The following SLC25A43 variants were observed in gnomAD, a reference collection of about 807,000 sequenced individuals.
The protein encoded by SLC25A43 is solute carrier family 25, member 43.
In SLC25A43, 10 loss-of-function variants were observed where a neutral mutation model predicts 22.8. The observed-to-expected ratio is 0.44, with a 90% CI of 0.27 to 0.74. The LOEUF (loss-of-function observed/expected upper bound fraction) is 0.74, where lower values mean the gene tolerates loss of function less well. Ranked by LOEUF, SLC25A43 falls within the 30% of genes least tolerant of loss-of-function variation. The probability of loss-of-function intolerance (pLI) is 0.17; values close to 1 mark genes in which losing one functional copy is unlikely to be tolerated. For missense variants in SLC25A43, 233 were observed against 279.1 expected (o/e 0.83, Z 1.18); for synonymous variants, 106 against 121.6 (o/e 0.87, Z 0.84).
intron 3 of SLC25A43, among the ~76,000 whole-genome samples, chrX:119,424,212 C>CA (rs201882702): frequency 1.8e-3 from 106 of 59,108 alleles, no homozygotes; most frequent in African/African-American, 3.0e-3. Context: ...GACTCCGTCT[C>CA]AAAAAAAAAA....
intron 3 of SLC25A43, among the ~76,000 whole-genome samples, chrX:119,418,529 C>G (rs934407202): frequency 8.9e-6 from 1 of 112,194 alleles, no homozygotes; most frequent in African/African-American, 3.2e-5. Context: ...ATGCTTTTCT[C>G]TAGACACACA....
intron 3 of SLC25A43, among the ~76,000 whole-genome samples, chrX:119,442,263 G>A (rs1223055142): frequency 1.8e-5 from 2 of 111,926 alleles, no homozygotes; most frequent in Admixed American, 1.9e-4. Context: ...ACTGGATATA[G>A]ATGGACCTTG....
intron 2 of SLC25A43, 51 bp from the exon 3 acceptor site, chrX:119,410,139 G>T: frequency 8.5e-7 from 1 of 1,171,956 alleles, no homozygotes; most frequent in Non-Finnish European, 1.2e-6. Flanking sequence ...ATGTTCTCAA[G>T]CCAGTGTTTT....
intron 1 of SLC25A43, among the ~76,000 whole-genome samples, chrX:119,403,328 C>T (rs1304991388): frequency 9.2e-6 from 1 of 108,652 alleles, no homozygotes; most frequent in Non-Finnish European, 1.9e-5. Context: ...ATTGCTCTGT[C>T]GCCCAAGTTG....
intron 3 of SLC25A43, among the ~76,000 whole-genome samples, chrX:119,427,542 T>C (rs1447617950): frequency 1.8e-5 from 2 of 112,517 alleles, no homozygotes; most frequent in Non-Finnish European, 3.8e-5. Flanking sequence ...GTCCCGGCTA[T>C]GCCAAGAGAA....
chrX:119,429,501 A>G (rs931907998), intron 3 of SLC25A43, among the ~76,000 whole-genome samples: 2 of 108,077 alleles, frequency 1.9e-5, no homozygotes, highest in African/African-American at 6.8e-5. Context: ...CTTTATTTGT[A>G]TCTACTGCAA....
intron 3 of SLC25A43, among the ~76,000 whole-genome samples, chrX:119,420,688 C>T (rs994000046): frequency 2.7e-5 from 3 of 111,968 alleles, no homozygotes; most frequent in Non-Finnish European, 5.6e-5. Context: ...ACCAACTGTG[C>T]GATCCTTGTT....
intron 3 of SLC25A43, among the ~76,000 whole-genome samples, chrX:119,448,559 A>G (rs1435980655): frequency 9.0e-6 from 1 of 110,991 alleles, no homozygotes; most frequent in Non-Finnish European, 1.9e-5. Context: ...CACCCCGGAC[A>G]TGCTCCTGTC....
At chrX:119,406,417 TC>T (rs777745811) in intron 1 of SLC25A43, 42 bp from the exon 2 acceptor site, 1 of 1,200,957 alleles carries the variant, frequency 8.3e-7, no homozygotes, top group East Asian at 3.0e-5. Flanking sequence ...TCTAGCACAA[TC>T]CATAGTTGAT....
intron 3 of SLC25A43, among the ~76,000 whole-genome samples, chrX:119,449,179 C>T (rs918143855): frequency 4.6e-5 from 5 of 109,802 alleles, no homozygotes; most frequent in Non-Finnish European, 9.5e-5. Flanking sequence ...TTTGGGAGGC[C>T]GAGGCAGGTG....
At chrX:119,412,237 C>CAAACAGAT (rs1188650709) in intron 3 of SLC25A43, among the ~76,000 whole-genome samples, 11 of 112,129 alleles carry the variant, frequency 9.8e-5, no homozygotes, top group African/African-American at 3.6e-4. Flanking sequence ...TGTCCTTGTC[C>CAAACAGAT]AAACAGATAA....
intron 2 of SLC25A43, among the ~76,000 whole-genome samples, chrX:119,409,578 T>G (rs2052331440): frequency 9.3e-6 from 1 of 107,853 alleles, no homozygotes; most frequent in Non-Finnish European, 1.9e-5. Context: ...CCCTAAACCC[T>G]TCAACATGTG....
intron 2 of SLC25A43, among the ~76,000 whole-genome samples, chrX:119,407,894 G>A (rs1371269525): frequency 1.8e-5 from 2 of 110,383 alleles, no homozygotes; most frequent in Non-Finnish European, 3.8e-5. Context: ...ACCAAGTCCC[G>A]TCGATTTGAC....
intron 3 of SLC25A43, chrX:119,434,589 C>T (rs758676184): frequency 1.8e-5 from 2 of 108,447 alleles, no homozygotes; most frequent in East Asian, 3.0e-4. Context: ...CACTTGAGCC[C>T]AAGAGTTCTG....
intron 3 of SLC25A43, chrX:119,423,680 A>G (rs1032510262): frequency 9.0e-6 from 1 of 111,184 alleles, no homozygotes; most frequent in African/African-American, 3.3e-5. Context: ...ATGGGGGCAA[A>G]CTATGTTAAG....
At position 119,408,039 on chromosome X, in the gene SLC25A43, C is replaced by T. The variant is rs139867905; in HGVS notation, c.517+1338C>T. On this transcript the variant is annotated intron_variant, in intron 2 of 4. Transcript: ENST00000217909. ...CACTGCTGCCCGGCTGAGGTGATCT[C>T]TCCACGTGCAATTTCATCGTTTCAC... is the stretch of plus-strand genomic sequence containing the variant. Among the ~76,000 whole-genome samples, 636 of 110,971 alleles carry T rather than the reference C, an allele frequency of 5.7e-3. 6 individuals are homozygous for T. Among genetic ancestry groups the T allele is most frequent in the African/African-American group, 0.02 (612 of 30,521 alleles).
intron 3 of SLC25A43, among the ~76,000 whole-genome samples, chrX:119,424,662 G>T (rs2052487342): frequency 1.3e-5 from 1 of 74,227 alleles, no homozygotes; most frequent in Non-Finnish European, 2.8e-5. Flanking sequence ...AAACTGAGAG[G>T]CCATAGCCTT....
rs778680877 is a variant in SLC25A43 at position 119,449,904 on chromosome X, C to T, written c.691-2105C>T. Reference sequence around the variant, plus strand: ...GCTTGGATAGGGCAGTAAGGGTGGGCGAAATGAAGGAATTCCAGGTTTCTG... The same window carrying T: ...GCTTGGATAGGGCAGTAAGGGTGGGTGAAATGAAGGAATTCCAGGTTTCTG... On this transcript the variant is annotated intron_variant, in intron 3 of 4. Transcript: ENST00000217909. 3.6e-5 allele frequency among the ~76,000 whole-genome samples: 4 copies of T among 110,883 alleles called. No individual in the cohort carries two copies. In the South Asian group the frequency reaches 1.1e-3, roughly 32 times the overall value.
intron 3 of SLC25A43, chrX:119,423,956 T>G (rs1276741506): frequency 9.0e-6 from 1 of 110,550 alleles, no homozygotes; most frequent in African/African-American, 3.3e-5. Context: ...GGCTCACGCC[T>G]GTAATCCTAG....
Sources: allele counts gnomAD v4.1 joint callset (sites outside exome capture counted in the v4.1 genomes callset), GRCh38; gene constraint gnomAD v4.1.1; transcripts MANE v1.5; gene names NCBI Gene and HGNC (gene_info 2026-07-23, HGNC 2026-07-21).